HPF1: variants seen among roughly 807,000 people sequenced by gnomAD.
The protein encoded by HPF1 is UPF0609 protein C4orf27.
Under a neutral mutation model 38.8 loss-of-function variants are expected in HPF1, and 35 were observed. The ratio of observed to expected loss-of-function variants is 0.90; its 90% confidence interval spans 0.69 to 1.19. The LOEUF is 1.19. Ranked by LOEUF, HPF1 falls within the 50% of genes most tolerant of loss-of-function variation. The pLI is 0.00. For synonymous variants in HPF1, 115 were observed against 139.2 expected, an observed-to-expected ratio of 0.83 and a Z score of 1.22; for missense variants, 367 against 405.8, an observed-to-expected ratio of 0.90 and a Z score of 0.82.
At chr4:169,737,393 C>A (rs1159811258) in intron 6 of HPF1, among the ~76,000 whole-genome samples, 1 of 151,858 alleles carries the variant, frequency 6.6e-6, no homozygotes, top group Non-Finnish European at 1.5e-5. Flanking sequence ...CCACAAATTC[C>A]TTTATGAAGT....
chr4:169,750,556 C>A lies in HPF1; in HGVS notation c.378G>T (p.Gln126His). 1 of 1,607,168 alleles carries A rather than the reference C, an allele frequency of 6.2e-7. No individual in the cohort carries two copies. Among genetic ancestry groups the A allele is most frequent in the Non-Finnish European group, 8.5e-7 (1 of 1,177,102 alleles). ...TTTACCTGAAATACCCCATGTGGTACTGAGTTTTATTATCTCCAATAATAA... is the reference window on the plus strand; with the variant it reads ...TTTACCTGAAATACCCCATGTGGTAATGAGTTTTATTATCTCCAATAATAA... ...QTIIIGDNKT[Q>H]YHMGYFRDSP... Residue 126 changes from glutamine to histidine, a missense_variant, in exon 3 of 8, where the codon CAG (glutamine) becomes CAT (histidine). Coordinates refer to ENST00000393381, the MANE Select transcript of HPF1 (RefSeq NM_017867.3).
At chr4:169,744,028 A>G (rs1277981771) in intron 4 of HPF1, among the ~76,000 whole-genome samples, 2 of 152,210 alleles carry the variant, frequency 1.3e-5, no homozygotes, top group African/African-American at 4.8e-5. Flanking sequence ...GCACACGGTT[A>G]CACTAAATCT....
Position 169,729,625 on chromosome 4 carries a change from GCTC to G in HPF1, c.991_993del (p.Glu331del). 6.3e-7 allele frequency: 1 copy of G among 1,589,064 alleles called. No individual in the cohort carries two copies. ...TTCTCTTGACTTCTGTTTGCCAGAT[GCTC>G]CTCAATAATTTCTGCAAACAGATTC... On this transcript the variant is annotated inframe_deletion, in exon 8 of 8. Coordinates refer to ENST00000393381, the MANE Select transcript of HPF1 (RefSeq NM_017867.3).
intron 4 of HPF1, among the ~76,000 whole-genome samples, chr4:169,747,204 A>G (rs139191150): frequency 3.3e-5 from 5 of 151,570 alleles, no homozygotes; most frequent in African/African-American, 1.2e-4. Context: ...GACAGACAAT[A>G]AGCAAGAAAA....
chr4:169,751,168 G>A (rs1260676940), intron 2 of HPF1, among the ~76,000 whole-genome samples: 2 of 152,156 alleles, frequency 1.3e-5, no homozygotes, highest in Non-Finnish European at 2.9e-5. Flanking sequence ...CACTTTGGCA[G>A]GCTGAGGCGG....
Position 169,746,724 on chromosome 4 carries a change from T to C in HPF1, c.497+2020A>G, listed in dbSNP as rs112710178. ...GTTCTGGTTAGCTGATTTAAGGAGG[T>C]AGTACCTAAAAAACTAAAACCGTTA... is the stretch of plus-strand genomic sequence containing the variant. On this transcript the variant is annotated intron_variant, in intron 4 of 7. Transcript: ENST00000393381. Among the ~76,000 whole-genome samples, 58 of 152,152 alleles carry C rather than the reference T, an allele frequency of 3.8e-4. 1 individual carries two copies. Among genetic ancestry groups the C allele is most frequent in the African/African-American group, 1.1e-3 (45 of 41,566 alleles).
Position 169,757,148 on chromosome 4 carries a change from A to T in HPF1, c.48+682T>A, listed in dbSNP as rs181053857. ...CGTAGTAAAGTATGAGAATGCACAC[A>T]CTCTCTCCTCCTCCCCTCTCAGTAG... On this transcript the variant is annotated intron_variant, in intron 1 of 7. Coordinates refer to ENST00000393381, the MANE Select transcript of HPF1 (RefSeq NM_017867.3). Among the ~76,000 whole-genome samples, 249 of 151,044 alleles carry T rather than the reference A, an allele frequency of 1.6e-3. 1 individual carries two copies. Among genetic ancestry groups the T allele is most frequent in the Middle Eastern group, 3.4e-3 (1 of 292 alleles).
At chr4:169,732,418 C>A (rs773056901) in intron 6 of HPF1, among the ~76,000 whole-genome samples, 1 of 152,102 alleles carries the variant, frequency 6.6e-6, no homozygotes, top group Non-Finnish European at 1.5e-5. Context: ...GGATTACAGG[C>A]GTGAGCCACT....
At chr4:169,740,410 T>C (rs1450805647) in intron 5 of HPF1, among the ~76,000 whole-genome samples, 1 of 152,234 alleles carries the variant, frequency 6.6e-6, no homozygotes, top group Non-Finnish European at 1.5e-5. Context: ...GCTAAGTTAC[T>C]ATCAGTATAA....
rs754728516 is a variant in HPF1, at chr4:169,729,611, T to G, written c.1008A>C (p.Arg336Ser). ...CAAGTTGGTCTATGTTCTCTTGACT[T>G]CTGTTTGCCAGATGCTCCTCAATAA... is the stretch of plus-strand genomic sequence containing the variant. Reference protein sequence around the residue: ...AEIIEEHLANRSQENIDQLAA With the variant: ...AEIIEEHLANSSQENIDQLAA Residue 336 changes from arginine to serine, a missense_variant, in exon 8 of 8, where the codon AGA (arginine) becomes AGC (serine). Coordinates refer to ENST00000393381, the MANE Select transcript of HPF1 (RefSeq NM_017867.3). The G allele has an allele frequency of 2.5e-6, 4 of 1,588,716 alleles. No individual in the cohort carries two copies. The East Asian group carries it at 9.2e-5, about 37-fold the overall frequency.
At position 169,757,830 on chromosome 4, in the gene HPF1, C is replaced by A. The variant is rs1321750464; in HGVS notation, c.48G>T (p.Gln16His). 6.4e-7 allele frequency: 1 copy of A among 1,563,436 alleles called. No homozygotes were observed. Among genetic ancestry groups the A allele is most frequent in the East Asian group, 2.4e-5 (1 of 42,274 alleles). ...GCCCGCACAGCCTTTCCGGCAGTAC[C>A]TGCGGCCCCTCTCCGCCGGGCCTGC... is the stretch of plus-strand genomic sequence containing the variant. ...GKRRPGGEGP[Q>H]CEKTTDVKKS... is the part of the protein sequence containing the mutation. The change falls in exon 1 of 8, where the codon CAG becomes CAT. Residue 16 changes from glutamine to histidine, a missense_variant and splice_region_variant. By Grantham distance (24) the Gln-to-His change is conservative. Transcript: ENST00000393381.
At chr4:169,739,518 C>T (rs1208729880) in intron 5 of HPF1, among the ~76,000 whole-genome samples, 1 of 151,848 alleles carries the variant, frequency 6.6e-6, no homozygotes, top group South Asian at 2.1e-4. Context: ...TTTATACCTA[C>T]CAGCATGGAA....
intron 6 of HPF1, among the ~76,000 whole-genome samples, chr4:169,735,471 G>C (rs755162704): frequency 3.3e-5 from 5 of 152,130 alleles, no homozygotes; most frequent in Non-Finnish European, 7.3e-5. Flanking sequence ...AAGAAGATTA[G>C]GTCCTTCAGT....
chr4:169,739,283 C>A (rs1216897747), intron 5 of HPF1, among the ~76,000 whole-genome samples: 1 of 151,850 alleles, frequency 6.6e-6, no homozygotes, highest in South Asian at 2.1e-4. Flanking sequence ...AATATATCTG[C>A]AAAATGTAAT....
Position 169,737,671 on chromosome 4 carries a change from G to A in HPF1, c.725C>T (p.Pro242Leu), listed in dbSNP as rs1241222788. The A allele has an allele frequency of 1.3e-6, 2 of 1,598,342 alleles. No individual in the cohort carries two copies. Among genetic ancestry groups the A allele is most frequent in the South Asian group, 2.2e-5 (2 of 90,784 alleles). ...DKNDVGYRELPETDADLKRIC... is the reference protein window; with the variant it reads ...DKNDVGYRELLETDADLKRIC... ...ATGAAATACATTACCATCTGTTTCA[G>A]GGAGCTCTCGGTACCCAACATCATT... Residue 242 changes from proline to leucine, a missense_variant, in exon 6 of 8, where the codon CCT becomes CTT. Physicochemically the swap from Pro to Leu is moderately conservative, Grantham distance 98. Coordinates refer to ENST00000393381, the MANE Select transcript of HPF1 (RefSeq NM_017867.3).
At chr4:169,745,506 T>C (rs1734036005) in intron 4 of HPF1, among the ~76,000 whole-genome samples, 1 of 152,138 alleles carries the variant, frequency 6.6e-6, no homozygotes, top group Admixed American at 6.5e-5. Flanking sequence ...TTTCTAAAAG[T>C]GGGGAAAAGT....
At position 169,757,869 on chromosome 4, in the gene HPF1, G is replaced by A; in HGVS notation, c.9C>T (p.Gly3=). ...CGCCGGGCCTGCGCTTCCCGCCACC[G>A]CCGACCATTCTGCAGCTGCAGCGCC... is the stretch of plus-strand genomic sequence containing the variant. MV[G]GGGKRRPGGE... is the part of the protein sequence containing the mutation. The change falls in exon 1 of 8, where the codon GGC becomes GGT. Residue 3 remains glycine (G), a synonymous_variant. Coordinates refer to ENST00000393381, the MANE Select transcript of HPF1 (RefSeq NM_017867.3). 6.4e-7 allele frequency: 1 copy of A among 1,561,654 alleles called. No individual in the cohort carries two copies.
chr4:169,741,900 C>A, intron 5 of HPF1, 57 bp downstream of exon 5: 3 of 1,463,168 alleles, frequency 2.1e-6, no homozygotes, highest in South Asian at 1.2e-5. Context: ...GGGAAGGAAT[C>A]AAGAGGGGAA....
At chr4:169,750,816 T>A in intron 2 of HPF1, 91 bp from the exon 3 acceptor site, 1 of 1,008,166 alleles carries the variant, frequency 9.9e-7, no homozygotes, top group Non-Finnish European at 1.4e-6. Context: ...CAATTGTCTT[T>A]AAAAAGTTTC....
Sources: allele counts gnomAD v4.1 joint callset (sites outside exome capture counted in the v4.1 genomes callset), GRCh38; gene constraint gnomAD v4.1.1; transcripts MANE v1.5; gene names NCBI Gene and HGNC (gene_info 2026-07-23, HGNC 2026-07-21).